PCDH9: variants seen among roughly 807,000 people sequenced by gnomAD.
PCDH9 encodes the protein protocadherin 9.
PCDH9 carries 24 observed loss-of-function variants against 70.6 expected under a neutral mutation model. That is an observed-to-expected ratio of 0.34 (90% CI 0.25 to 0.48). PCDH9 has a LOEUF of 0.48. PCDH9 is among the 20% of genes least tolerant of loss of function. The pLI, the probability that PCDH9 is intolerant of heterozygous loss-of-function variation, is 0.99. For synonymous variants in PCDH9, 562 were observed against 558.5 expected, an observed-to-expected ratio of 1.01 and a Z score of -0.09; for missense variants, 1,281 against 1,503.6, an observed-to-expected ratio of 0.85 and a Z score of 2.45.
intron 4 of PCDH9, among the ~76,000 whole-genome samples, chr13:66,470,167 A>T (rs1958590488): frequency 6.6e-6 from 1 of 152,198 alleles, no homozygotes; most frequent in Non-Finnish European, 1.5e-5. Context: ...AATTAAAACA[A>T]TACGACATGA....
intron 2 of PCDH9, among the ~76,000 whole-genome samples, chr13:67,039,035 T>C (rs1017956504): frequency 1.3e-5 from 2 of 152,184 alleles, no homozygotes; most frequent in South Asian, 2.1e-4. Context: ...ATTATGCCTA[T>C]GTGACAAAAC....
intron 4 of PCDH9, among the ~76,000 whole-genome samples, chr13:66,531,888 G>A (rs1960472117): frequency 6.6e-6 from 1 of 152,072 alleles, no homozygotes; most frequent in African/African-American, 2.4e-5. Flanking sequence ...ATTAACTTAA[G>A]TTCTCTTGGC....
intron 3 of PCDH9, among the ~76,000 whole-genome samples, chr13:66,773,871 G>A (rs569389055): frequency 8.0e-5 from 12 of 150,810 alleles, no homozygotes; most frequent in Admixed American, 7.9e-4. Flanking sequence ...TCTGCCTCCC[G>A]GGTTCAAGCG....
chr13:67,202,524 A>G (rs569623380), intron 2 of PCDH9: 7 of 152,208 alleles, frequency 4.6e-5, no homozygotes, highest in Admixed American at 1.3e-4. Context: ...TTAATGGAGC[A>G]GCACCACATG....
At chr13:66,466,384 A>C (rs1401432502) in intron 4 of PCDH9, among the ~76,000 whole-genome samples, 1 of 152,030 alleles carries the variant, frequency 6.6e-6, no homozygotes, top group Non-Finnish European at 1.5e-5. Context: ...CGAATCTCTT[A>C]TCTTGATTTA....
At chr13:66,391,858 T>G (rs1957023477) in intron 4 of PCDH9, among the ~76,000 whole-genome samples, 1 of 138,876 alleles carries the variant, frequency 7.2e-6, no homozygotes. Context: ...TCAATCATTC[T>G]CTCTCTCTCT....
At chr13:67,153,976 T>G (rs1197656359) in intron 2 of PCDH9, among the ~76,000 whole-genome samples, 2 of 152,232 alleles carry the variant, frequency 1.3e-5, no homozygotes, top group Non-Finnish European at 2.9e-5. Flanking sequence ...GGCACCTTGC[T>G]CGAGGCATAT....
intron 4 of PCDH9, among the ~76,000 whole-genome samples, chr13:66,328,464 C>T (rs1955883551): frequency 6.6e-6 from 1 of 152,058 alleles, no homozygotes; most frequent in African/African-American, 2.4e-5. Flanking sequence ...TTTATTTATT[C>T]ATTATTTTAT....
chr13:66,518,308 A>ACCTTCCAC (rs1428979064), intron 4 of PCDH9, among the ~76,000 whole-genome samples: 1 of 151,992 alleles, frequency 6.6e-6, no homozygotes, highest in African/African-American at 2.4e-5. Context: ...TGATTCAAAC[A>ACCTTCCAC]CCTTCCACCA....
chr13:66,644,303 T>C (rs942434595), intron 3 of PCDH9, among the ~76,000 whole-genome samples: 1 of 149,850 alleles, frequency 6.7e-6, no homozygotes, highest in African/African-American at 2.4e-5. Context: ...CAATACTGGC[T>C]CATCATATGT....
intron 4 of PCDH9, among the ~76,000 whole-genome samples, chr13:66,591,426 A>G (rs924082461): frequency 6.6e-6 from 1 of 151,078 alleles, no homozygotes; most frequent in African/African-American, 2.4e-5. Context: ...AATAAAGCCA[A>G]TATAAACCAA....
At chr13:66,926,933 T>C (rs1245410991) in intron 2 of PCDH9, among the ~76,000 whole-genome samples, 3 of 151,780 alleles carry the variant, frequency 2.0e-5, no homozygotes, top group Non-Finnish European at 2.9e-5. Context: ...TTTAGAGGAG[T>C]AGGCTAGGGA....
At chr13:66,754,489 C>T (rs916415964) in intron 3 of PCDH9, among the ~76,000 whole-genome samples, 2 of 151,504 alleles carry the variant, frequency 1.3e-5, no homozygotes, top group East Asian at 1.9e-4. Context: ...AGGGAAGAGG[C>T]GAAGTCATTT....
At chr13:66,913,812 T>C (rs2082511885) in intron 2 of PCDH9, among the ~76,000 whole-genome samples, 1 of 152,002 alleles carries the variant, frequency 6.6e-6, no homozygotes, top group Non-Finnish European at 1.5e-5. Context: ...TAGTTATACA[T>C]TTGCTTATCT....
chr13:67,165,965 T>C (rs990754174), intron 2 of PCDH9, among the ~76,000 whole-genome samples: 1 of 152,224 alleles, frequency 6.6e-6, no homozygotes, highest in African/African-American at 2.4e-5. Flanking sequence ...ATGTATCTAT[T>C]ACAAGTAATG....
At chr13:66,648,042 T>C (rs1003556845) in intron 3 of PCDH9, among the ~76,000 whole-genome samples, 2 of 152,112 alleles carry the variant, frequency 1.3e-5, no homozygotes, top group Non-Finnish European at 2.9e-5. Context: ...CACAGTAAAA[T>C]AGTGCACCAG....
intron 2 of PCDH9, among the ~76,000 whole-genome samples, chr13:66,919,182 C>T (rs1228410449): frequency 6.6e-6 from 1 of 151,180 alleles, no homozygotes; most frequent in African/African-American, 2.4e-5. Flanking sequence ...ATTCAGTTGT[C>T]TGCAATATAT....
intron 4 of PCDH9, among the ~76,000 whole-genome samples, chr13:66,307,544 T>C (rs1209797890): frequency 2.0e-5 from 3 of 152,084 alleles, no homozygotes; most frequent in African/African-American, 4.8e-5. Flanking sequence ...TTTACTCCTT[T>C]CTAAACATCA....
At chr13:66,534,628 C>T (rs1960611493) in intron 4 of PCDH9, among the ~76,000 whole-genome samples, 1 of 152,134 alleles carries the variant, frequency 6.6e-6, no homozygotes, top group African/African-American at 2.4e-5. Flanking sequence ...ATTCAGTTCA[C>T]AGCAGATGGC....
Sources: allele counts gnomAD v4.1 joint callset (sites outside exome capture counted in the v4.1 genomes callset), GRCh38; gene constraint gnomAD v4.1.1; transcripts MANE v1.5; gene names NCBI Gene and HGNC (gene_info 2026-07-23, HGNC 2026-07-21).